PAPPA: variants seen among roughly 807,000 people sequenced by gnomAD.
The protein encoded by PAPPA is pappalysin-1.
Under a neutral mutation model 164.0 loss-of-function variants are expected in PAPPA, and 60 were observed. The ratio of observed to expected loss-of-function variants is 0.37; its 90% CI spans 0.30 to 0.45. The LOEUF (loss-of-function observed/expected upper bound fraction) is 0.45. Among genes scored for constraint, PAPPA ranks in the 20% least tolerant of loss-of-function variants. The pLI is 1.00. For missense variants in PAPPA, 1,782 were observed against 2,087.3 expected (o/e 0.85, Z 2.85); for synonymous variants, 875 against 814.1 (o/e 1.07, Z -1.27).
At chr9:116,374,168 TGTTGA>T (rs1564246698) in intron 19 of PAPPA, among the ~76,000 whole-genome samples, 1 of 143,880 alleles carries the variant, frequency 7.0e-6, no homozygotes, top group African/African-American at 2.6e-5. Flanking sequence ...TTGGTGGTGG[TGTTGA>T]TGATGATGAT....
At chr9:116,236,026 T>C (rs1844661125) in intron 7 of PAPPA, among the ~76,000 whole-genome samples, 1 of 152,154 alleles carries the variant, frequency 6.6e-6, no homozygotes, top group Non-Finnish European at 1.5e-5. Context: ...TTGAAGACAA[T>C]TTATGCATTT....
intron 7 of PAPPA, among the ~76,000 whole-genome samples, chr9:116,258,654 C>T (rs1409128260): frequency 1.3e-5 from 2 of 151,474 alleles, no homozygotes; most frequent in South Asian, 2.1e-4. Flanking sequence ...AAAAATAGAC[C>T]GATGAAACAA....
At chr9:116,296,549 T>A (rs1276331240) in intron 9 of PAPPA, among the ~76,000 whole-genome samples, 2 of 152,082 alleles carry the variant, frequency 1.3e-5, no homozygotes, top group Non-Finnish European at 2.9e-5. Context: ...GTGAGGAAAC[T>A]GTGATGGAAG....
chr9:116,332,175 T>C (rs1846001272), intron 11 of PAPPA, among the ~76,000 whole-genome samples, 158 bp from the exon 12 acceptor site: 1 of 152,144 alleles, frequency 6.6e-6, no homozygotes, highest in African/African-American at 2.4e-5. Flanking sequence ...CTCTTCACTG[T>C]TAGGTTTCAT....
intron 9 of PAPPA, among the ~76,000 whole-genome samples, chr9:116,291,980 T>A (rs1334376881): frequency 6.6e-6 from 1 of 152,102 alleles, no homozygotes; most frequent in East Asian, 1.9e-4. Context: ...TGCTAAATAA[T>A]GAAGAGGTCA....
Position 116,367,632 on chromosome 9 carries a change from G to T in PAPPA, c.4496-13G>T. On this transcript the variant is annotated splice_polypyrimidine_tract_variant and intron_variant, in intron 18 of 21. Transcript: ENST00000328252. Reference sequence around the variant, plus strand: ...TCGGGCCTGAGCTGCGCCTCATGCTGTACTTCCCTCAGGGTCGGAGTGTGC... The same window carrying T: ...TCGGGCCTGAGCTGCGCCTCATGCTTTACTTCCCTCAGGGTCGGAGTGTGC... 1 of 1,602,588 alleles carries T rather than the reference G, an allele frequency of 6.2e-7. No individual in the cohort carries two copies. Among genetic ancestry groups the T allele is most frequent in the Non-Finnish European group, 8.5e-7 (1 of 1,170,288 alleles).
At chr9:116,162,385 C>T (rs942200097) in intron 1 of PAPPA, among the ~76,000 whole-genome samples, 2 of 152,164 alleles carry the variant, frequency 1.3e-5, no homozygotes, top group Non-Finnish European at 2.9e-5. Flanking sequence ...TTTCTGGTTC[C>T]TTATTTCTCT....
intron 19 of PAPPA, among the ~76,000 whole-genome samples, chr9:116,372,036 T>A (rs1333960611): frequency 6.6e-6 from 1 of 152,238 alleles, no homozygotes; most frequent in African/African-American, 2.4e-5. Flanking sequence ...AGAAACACAA[T>A]GTACCTTCTT....
At chr9:116,364,154 T>C (rs1846468258) in intron 18 of PAPPA, among the ~76,000 whole-genome samples, 2 of 152,212 alleles carry the variant, frequency 1.3e-5, no homozygotes, top group Admixed American at 1.3e-4. Context: ...CAACACTTTC[T>C]CCTTTCCATC....
chr9:116,237,876 C>T (rs914605659), intron 7 of PAPPA, among the ~76,000 whole-genome samples: 4 of 152,014 alleles, frequency 2.6e-5, no homozygotes, highest in South Asian at 2.1e-4. Flanking sequence ...CGCACCACCA[C>T]GCTGGGCTAA....
intron 6 of PAPPA, among the ~76,000 whole-genome samples, chr9:116,234,396 A>C (rs1432121326): frequency 1.3e-5 from 2 of 152,120 alleles, no homozygotes; most frequent in Non-Finnish European, 2.9e-5. Context: ...CATGTAGAGA[A>C]GGGGAGGAGG....
At chr9:116,243,951 T>C (rs2118764256) in intron 7 of PAPPA, among the ~76,000 whole-genome samples, 1 of 152,212 alleles carries the variant, frequency 6.6e-6, no homozygotes, top group East Asian at 1.9e-4. Context: ...GAGAGTTGTT[T>C]TTCCAAGCCC....
intron 19 of PAPPA, among the ~76,000 whole-genome samples, chr9:116,374,304 C>T (rs1846621452): frequency 6.6e-6 from 1 of 152,056 alleles, no homozygotes; most frequent in Non-Finnish European, 1.5e-5. Flanking sequence ...GAAATGAAAG[C>T]CTTCTTACAA....
At chr9:116,311,056 CTTTTTTTTT>C (rs56043415) in intron 10 of PAPPA, among the ~76,000 whole-genome samples, 22 of 120,448 alleles carry the variant, frequency 1.8e-4, no homozygotes, top group African/African-American at 3.9e-4. Flanking sequence ...AACATGTGGA[CTTTTTTTTT>C]TTTTTTTTTT....
chr9:116,352,377 T>C (rs947025162), intron 15 of PAPPA, among the ~76,000 whole-genome samples: 9 of 152,208 alleles, frequency 5.9e-5, no homozygotes, highest in Admixed American at 5.2e-4. Flanking sequence ...TGTGCTCAGA[T>C]GCCCATTTGT....
chr9:116,320,502 C>T (rs1030983996), intron 10 of PAPPA, among the ~76,000 whole-genome samples: 1 of 152,232 alleles, frequency 6.6e-6, no homozygotes, highest in South Asian at 2.1e-4. Flanking sequence ...GCCCTGCACA[C>T]AGGAAATGCT....
chr9:116,341,770 T>TGAGA (rs1846141184), intron 13 of PAPPA, among the ~76,000 whole-genome samples: 9 of 152,218 alleles, frequency 5.9e-5, no homozygotes, highest in Non-Finnish European at 1.5e-5. Context: ...AATAGACGAA[T>TGAGA]CAGTGGATGA....
At chr9:116,341,436 T>C (rs913997481) in intron 13 of PAPPA, among the ~76,000 whole-genome samples, 2 of 152,202 alleles carry the variant, frequency 1.3e-5, no homozygotes, top group African/African-American at 4.8e-5. Flanking sequence ...TCTGCCTGAT[T>C]ATACCTCTGC....
At chr9:116,330,226 T>C (rs10435874) in intron 10 of PAPPA, among the ~76,000 whole-genome samples, 140,921 of 152,242 alleles carry the variant, frequency 0.93, 66,153 homozygotes, top group East Asian at 1. Context: ...GGAGAAGTAC[T>C]AATTTGGGAT....
Sources: gnomAD v4.1 joint callset for allele counts (sites outside exome capture counted in the v4.1 genomes callset) on GRCh38, gnomAD v4.1.1 for gene constraint, MANE v1.5 for transcripts, NCBI Gene and HGNC (gene_info 2026-07-23, HGNC 2026-07-21) for gene names.